Variants in CNTN5 observed in about 807,000 individuals in gnomAD.
The protein encoded by CNTN5 is contactin-5.
Under a neutral mutation model 129.1 loss-of-function variants are expected in CNTN5, and 77 were observed. That is an observed-to-expected ratio of 0.60 (90% CI 0.50 to 0.72). The LOEUF (loss-of-function observed/expected upper bound fraction) is 0.72. CNTN5 is among the 30% of genes least tolerant of loss of function. The probability of loss-of-function intolerance (pLI) is 0.00; values close to 1 mark genes in which losing one functional copy is unlikely to be tolerated. For synonymous variants in CNTN5, 509 were observed against 465.6 expected, an observed-to-expected ratio of 1.09 and a Z score of -1.20; for missense variants, 1,478 against 1,328.8, an observed-to-expected ratio of 1.11 and a Z score of -1.75.
chr11:100,318,217 G>A (rs1003433040), intron 21 of CNTN5, among the ~76,000 whole-genome samples: 13 of 145,878 alleles, frequency 8.9e-5, no homozygotes, highest in Non-Finnish European at 1.5e-4. Flanking sequence ...CTCCAGCCTG[G>A]GCAATAGAGC....
At chr11:100,291,010 C>T (rs1204221493) in intron 18 of CNTN5, among the ~76,000 whole-genome samples, 11 of 150,360 alleles carry the variant, frequency 7.3e-5, no homozygotes, top group Admixed American at 2.0e-4. Context: ...TGAAAAAATG[C>T]TCATCATCAC....
At chr11:99,753,685 C>A (rs1452690426) in intron 3 of CNTN5, among the ~76,000 whole-genome samples, 2 of 120,998 alleles carry the variant, frequency 1.7e-5, no homozygotes, top group Non-Finnish European at 3.4e-5. Context: ...AAAAAGAAAT[C>A]ACTTCCTTTT....
intron 8 of CNTN5, among the ~76,000 whole-genome samples, chr11:99,974,403 C>G (rs1386565464): frequency 6.6e-6 from 1 of 152,160 alleles, no homozygotes; most frequent in Non-Finnish European, 1.5e-5. Context: ...CTGTATCATC[C>G]TGCCTCCCTT....
At chr11:99,455,379 G>T (rs931535805) in intron 2 of CNTN5, among the ~76,000 whole-genome samples, 2 of 151,148 alleles carry the variant, frequency 1.3e-5, no homozygotes, top group African/African-American at 4.9e-5. Flanking sequence ...AGAAATAAAA[G>T]AAATTTAGGA....
chr11:99,634,042 A>C (rs1951459751), intron 3 of CNTN5, among the ~76,000 whole-genome samples: 2 of 152,304 alleles, frequency 1.3e-5, no homozygotes, highest in South Asian at 4.1e-4. Context: ...AAAGAGTGTT[A>C]AGTAAGGAAG....
chr11:100,059,390 G>A (rs1381255088), intron 9 of CNTN5, among the ~76,000 whole-genome samples: 2 of 151,928 alleles, frequency 1.3e-5, no homozygotes, highest in African/African-American at 2.4e-5. Context: ...TTTTCTTCTC[G>A]CCAAAAATGA....
chr11:100,191,597 C>T (rs1320909881), intron 14 of CNTN5, among the ~76,000 whole-genome samples: 1 of 151,960 alleles, frequency 6.6e-6, no homozygotes. Flanking sequence ...ATTTTAGCAT[C>T]AATCACTAAT....
At chr11:99,540,246 T>A (rs971004296) in intron 2 of CNTN5, among the ~76,000 whole-genome samples, 1 of 152,208 alleles carries the variant, frequency 6.6e-6, no homozygotes, top group Admixed American at 6.5e-5. Context: ...ATATGTGTTG[T>A]GTTCAAGTTC....
intron 3 of CNTN5, among the ~76,000 whole-genome samples, chr11:99,770,320 T>C (rs1197379879): frequency 2.6e-5 from 4 of 152,116 alleles, no homozygotes; most frequent in Admixed American, 6.6e-5. Flanking sequence ...CTCATTCTTA[T>C]ATCTGTTCCT....
At chr11:100,241,434 A>G (rs762324178) in intron 16 of CNTN5, among the ~76,000 whole-genome samples, 10 of 152,234 alleles carry the variant, frequency 6.6e-5, no homozygotes, top group Non-Finnish European at 1.5e-4. Context: ...ATAACTGACC[A>G]GGAAGTGTTT....
chr11:99,790,153 A>G lies in CNTN5; in HGVS notation c.56-29391A>G, dbSNP rs535552198. 4.6e-5 allele frequency among the ~76,000 whole-genome samples: 7 copies of G among 152,112 alleles called. No individual in the cohort carries two copies. In the East Asian group the frequency reaches 7.8e-4, roughly 17 times the overall value. On this transcript the variant is annotated intron_variant, in intron 3 of 24. Coordinates refer to ENST00000524871, the MANE Select transcript of CNTN5 (RefSeq NM_014361.4). The stretch of plus-strand genomic sequence containing the variant: ...ATTTTCTATGGCTGCATAGTATTCT[A>G]TGGTGTACATGTGCCACATTTTCTT...
In CNTN5 at chr11:99,368,870, C is replaced by T. The variant is rs967717078; in HGVS notation, c.-71+43386C>T. On this transcript the variant is annotated intron_variant, in intron 2 of 24. Transcript: ENST00000524871. ...GTGAACTCACATCGCTGTAACAAAA[C>T]GTAAGAGTTTCTAAGCAGTAGGGTG... 3.3e-5 allele frequency among the ~76,000 whole-genome samples: 5 copies of T among 151,810 alleles called. No individual in the cohort carries two copies. The East Asian group carries it at 7.7e-4, about 23-fold the overall frequency.
chr11:99,139,096 T>TC (rs1859383061), intron 1 of CNTN5, among the ~76,000 whole-genome samples: 5 of 50,080 alleles, frequency 1.0e-4, no homozygotes, highest in Admixed American at 1.8e-4. Context: ...CTCTACCCCC[T>TC]CCCCACCCCC....
chr11:99,369,587 T>C (rs546358016), intron 2 of CNTN5, among the ~76,000 whole-genome samples: 31 of 152,130 alleles, frequency 2.0e-4, no homozygotes, highest in Admixed American at 1.4e-3. Flanking sequence ...AAAATAGATT[T>C]AAAAATTTGG....
chr11:100,069,612 G>T (rs1214094463), intron 10 of CNTN5, among the ~76,000 whole-genome samples: 2 of 152,014 alleles, frequency 1.3e-5, no homozygotes, highest in Non-Finnish European at 2.9e-5. Context: ...TAGCATATAT[G>T]AAACAACATA....
chr11:99,508,487 T>A (rs1946709284), intron 2 of CNTN5, among the ~76,000 whole-genome samples: 2 of 152,268 alleles, frequency 1.3e-5, no homozygotes, highest in South Asian at 4.1e-4. Flanking sequence ...GAGTGCTGGC[T>A]GTACTACCAT....
chr11:100,277,184 G>A (rs968663545), intron 18 of CNTN5, among the ~76,000 whole-genome samples: 6 of 152,074 alleles, frequency 3.9e-5, no homozygotes, highest in Non-Finnish European at 7.4e-5. Flanking sequence ...ATAATACTAC[G>A]TTGTGTACAA....
chr11:100,258,858 C>G (rs1032741944), intron 17 of CNTN5, among the ~76,000 whole-genome samples: 1 of 152,128 alleles, frequency 6.6e-6, no homozygotes, highest in African/African-American at 2.4e-5. Flanking sequence ...ATTGTAAAGA[C>G]CATCAACACT....
intron 2 of CNTN5, among the ~76,000 whole-genome samples, chr11:99,425,996 A>G (rs2135078390): frequency 6.6e-6 from 1 of 152,380 alleles, no homozygotes; most frequent in Admixed American, 6.5e-5. Context: ...AATTATAATT[A>G]CTACTGATAA....
Sources: gnomAD v4.1 joint callset for allele counts (sites outside exome capture counted in the v4.1 genomes callset) on GRCh38, gnomAD v4.1.1 for gene constraint, MANE v1.5 for transcripts, NCBI Gene and HGNC (gene_info 2026-07-23, HGNC 2026-07-21) for gene names.